Variants in CIT observed in about 807,000 individuals in gnomAD.
The protein encoded by CIT is citron rho-interacting serine/threonine kinase.
A neutral mutation model predicts 272.7 loss-of-function variants in CIT; 79 were observed. The observed-to-expected ratio is 0.29, with a 90% CI of 0.24 to 0.35. The LOEUF is 0.35. CIT is among the 10% of genes least tolerant of loss of function. The pLI, the probability that CIT is intolerant of heterozygous loss-of-function variation, is 1.00. For synonymous variants in CIT, 948 were observed against 995.6 expected (o/e 0.95, Z 0.90); for missense variants, 1,909 against 2,618.3 (o/e 0.73, Z 5.91).
At chr12:119,766,546 C>G (rs537655437) in intron 19 of CIT, among the ~76,000 whole-genome samples, 1 of 152,170 alleles carries the variant, frequency 6.6e-6, no homozygotes, top group East Asian at 1.9e-4. Flanking sequence ...ATAGAATGAA[C>G]AAGACCTAGT....
intron 10 of CIT, among the ~76,000 whole-genome samples, chr12:119,800,189 T>A (rs203338): frequency 6.6e-6 from 1 of 152,122 alleles, no homozygotes; most frequent in Non-Finnish European, 1.5e-5. Flanking sequence ...ATTCAGAGCT[T>A]GGGGATTTGG....
chr12:119,819,850 T>C (rs1414318616), intron 9 of CIT, among the ~76,000 whole-genome samples: 1 of 152,244 alleles, frequency 6.6e-6, no homozygotes, highest in Non-Finnish European at 1.5e-5. Flanking sequence ...CAAGCAATGT[T>C]TTCAATCACA....
At chr12:119,864,724 G>A (rs556030079) in intron 3 of CIT, among the ~76,000 whole-genome samples, 1 of 152,324 alleles carries the variant, frequency 6.6e-6, no homozygotes, top group Admixed American at 6.5e-5. Context: ...TTTGTTCACT[G>A]AGCATACACT....
chr12:119,812,583 G>A (rs1008366855), intron 9 of CIT, among the ~76,000 whole-genome samples: 7 of 151,790 alleles, frequency 4.6e-5, no homozygotes, highest in African/African-American at 1.7e-4. Context: ...GGGATTACAG[G>A]TGCACACCAC....
chr12:119,689,798 C>T (rs970144328), intron 47 of CIT, among the ~76,000 whole-genome samples: 1 of 151,604 alleles, frequency 6.6e-6, no homozygotes, highest in Non-Finnish European at 1.5e-5. Context: ...CCGCCTCAGC[C>T]TCCCAAGTAG....
intron 1 of CIT, among the ~76,000 whole-genome samples, chr12:119,876,914 C>G (rs1317413810): frequency 6.6e-6 from 1 of 152,112 alleles, no homozygotes; most frequent in Non-Finnish European, 1.5e-5. Flanking sequence ...TAAGTTCACG[C>G]AGATAATAAG....
intron 46 of CIT, among the ~76,000 whole-genome samples, chr12:119,691,370 A>C (rs1955936491): frequency 1.3e-5 from 2 of 152,230 alleles, no homozygotes; most frequent in South Asian, 4.2e-4. Flanking sequence ...TGTACTGATC[A>C]CTGTTAACTG....
At chr12:119,735,468 C>CATGAGCATGAGTTTGCCAT in intron 24 of CIT, 111 bp from the exon 25 acceptor site, 2 of 1,058,116 alleles carry the variant, frequency 1.9e-6, no homozygotes, top group Non-Finnish European at 1.4e-6. Flanking sequence ...ATCAACGTGC[C>CATGAGCATGAGTTTGCCAT]GCTCATGAGT....
At position 119,817,425 on chromosome 12, in the gene CIT, T is replaced by C. The variant is rs145752929; in HGVS notation, c.1111+5395A>G. On this transcript the variant is annotated intron_variant, in intron 9 of 47. Transcript: ENST00000392521. ...TACTCGGGAGGCTGAGGCAGAAGAA[T>C]GGCGTGAACCTGGGAGGCGGAGCTT... 6.8e-3 allele frequency among the ~76,000 whole-genome samples: 1,026 copies of C among 151,966 alleles called. 18 individuals are homozygous for C. Among genetic ancestry groups the C allele is most frequent in the African/African-American group, 0.023 (957 of 41,422 alleles).
chr12:119,775,663 C>A, intron 16 of CIT, 123 bp downstream of exon 16: 2 of 698,824 alleles, frequency 2.9e-6, no homozygotes, highest in Non-Finnish European at 5.0e-6. Flanking sequence ...ACTCCCCCTT[C>A]ATTTTCCTCA....
chr12:119,863,536 T>C (rs578007425), intron 3 of CIT, among the ~76,000 whole-genome samples: 80 of 152,174 alleles, frequency 5.3e-4, no homozygotes, highest in African/African-American at 1.9e-3. Flanking sequence ...TTTTTTTGTT[T>C]GTTTGTTTTG....
At chr12:119,791,825 T>C (rs1210510255) in intron 10 of CIT, among the ~76,000 whole-genome samples, 1 of 152,072 alleles carries the variant, frequency 6.6e-6, no homozygotes, top group African/African-American at 2.4e-5. Flanking sequence ...GCCCAAAGAG[T>C]ATTAATAGGG....
chr12:119,821,676 A>G (rs1967735201), intron 9 of CIT, among the ~76,000 whole-genome samples: 1 of 152,256 alleles, frequency 6.6e-6, no homozygotes, highest in South Asian at 2.1e-4. Flanking sequence ...GAAAAGATTA[A>G]GTACTTGAAC....
Position 119,770,702 on chromosome 12 carries a change from C to A in CIT, c.2208+83G>T. ...CTTGGAGATACCTCCCTTATTGTGG[C>A]GGTTAATTCTTCTTCTTACCCCCTT... is the stretch of plus-strand genomic sequence containing the variant. On this transcript the variant is annotated intron_variant, in intron 18 of 47. Coordinates refer to ENST00000392521, the MANE Select transcript of CIT (RefSeq NM_001206999.2). This position sits in a 1 kb window ranked among gnomAD's most constrained non-coding sequence, Gnocchi z 4.4. 1 of 1,498,844 alleles carries A rather than the reference C, an allele frequency of 6.7e-7. No individual in the cohort carries two copies. Among genetic ancestry groups the A allele is most frequent in the Non-Finnish European group, 9.2e-7 (1 of 1,089,050 alleles). 92.8% of individuals were successfully genotyped at this position (1,498,844 alleles called of 1,614,324 possible).
At chr12:119,862,878 G>A (rs1385611744) in intron 3 of CIT, among the ~76,000 whole-genome samples, 1 of 140,216 alleles carries the variant, frequency 7.1e-6, no homozygotes, top group Admixed American at 7.3e-5. Flanking sequence ...GGACTTTTAG[G>A]GAAGTGATTA....
In CIT at chr12:119,715,579, TG is replaced by T. The variant is rs940416851; in HGVS notation, c.4169-1246del. Among the ~76,000 whole-genome samples, 128 of 147,396 alleles carry T rather than the reference TG, an allele frequency of 8.7e-4. 1 individual carries two copies. The highest frequency in any genetic ancestry group is 3.5e-3 in the Middle Eastern group (1 of 286). ...TAATGTGTATGGAGTATTTTTTGGGTGGGGGGGTGTCAAAATTGTTCAAAAA... is the reference window on the plus strand; with the variant it reads ...TAATGTGTATGGAGTATTTTTTGGGTGGGGGGTGTCAAAATTGTTCAAAAA... On this transcript the variant is annotated intron_variant, in intron 32 of 47. Coordinates refer to ENST00000392521, the MANE Select transcript of CIT (RefSeq NM_001206999.2).
At chr12:119,701,443 G>A (rs372089145) in intron 43 of CIT, among the ~76,000 whole-genome samples, 181 bp downstream of exon 43, 1 of 152,162 alleles carries the variant, frequency 6.6e-6, no homozygotes, top group African/African-American at 2.4e-5. Context: ...GTTAGACCAC[G>A]CTAGTATCTG....
chr12:119,795,103 C>T (rs1043709702), intron 10 of CIT, among the ~76,000 whole-genome samples: 3 of 152,140 alleles, frequency 2.0e-5, no homozygotes, highest in African/African-American at 7.2e-5. Flanking sequence ...AAAGTTGAGC[C>T]AGGCGTGGTG....
intron 24 of CIT, among the ~76,000 whole-genome samples, chr12:119,742,156 A>G (rs1959088341): frequency 6.6e-6 from 1 of 152,160 alleles, no homozygotes; most frequent in East Asian, 1.9e-4. Context: ...TTCCACTAAT[A>G]GAATTATTTT....
Sources: gnomAD v4.1 joint callset for allele counts (sites outside exome capture counted in the v4.1 genomes callset) on GRCh38, gnomAD v4.1.1 for gene constraint, Gnocchi (gnomAD v3.1) non-coding constraint, MANE v1.5 for transcripts, NCBI Gene and HGNC (gene_info 2026-07-23, HGNC 2026-07-21) for gene names.